NUP160: variants seen among roughly 807,000 people sequenced by gnomAD.
NUP160 encodes nuclear pore complex protein Nup160.
NUP160 carries 94 observed loss-of-function variants against 196.9 expected under a neutral mutation model. The observed-to-expected ratio is 0.48, with a 90% confidence interval of 0.40 to 0.57. The LOEUF (loss-of-function observed/expected upper bound fraction) is 0.57, where lower values mean the gene tolerates loss of function less well. NUP160 is among the 20% of genes least tolerant of loss of function. The pLI is 0.00. For missense variants in NUP160, 1,638 were observed against 1,748.3 expected, an observed-to-expected ratio of 0.94 and a Z score of 1.13; for synonymous variants, 605 against 619.7, an observed-to-expected ratio of 0.98 and a Z score of 0.35.
intron 31 of NUP160, 39 bp from the exon 32 acceptor site, chr11:47,786,593 T>C: frequency 1.6e-6 from 2 of 1,219,378 alleles, no homozygotes; most frequent in East Asian, 2.3e-5. Context: ...AACTGAACGC[T>C]GAAACGTACC....
chr11:47,791,522 G>T (rs1292716525), intron 29 of NUP160, among the ~76,000 whole-genome samples: 1 of 152,084 alleles, frequency 6.6e-6, no homozygotes, highest in African/African-American at 2.4e-5. Flanking sequence ...TGTATTTTTA[G>T]TAGAGATGGG....
chr11:47,824,914 C>G (rs565790856), intron 7 of NUP160, among the ~76,000 whole-genome samples: 65 of 151,960 alleles, frequency 4.3e-4, no homozygotes, highest in African/African-American at 1.5e-3. Flanking sequence ...CGGCTCACTG[C>G]GAGCTCCACC....
At chr11:47,779,028 G>T in exon 36 of NUP160, 1 of 1,017,416 alleles carries the variant, frequency 9.8e-7, no homozygotes, top group African/African-American at 1.6e-5. Context: ...AATCGGCCTT[G>T]AGTACAGGGT....
chr11:47,828,515 A>G (rs556128114), intron 7 of NUP160, among the ~76,000 whole-genome samples: 5 of 152,328 alleles, frequency 3.3e-5, no homozygotes, highest in African/African-American at 1.2e-4. Flanking sequence ...ATATTTTATA[A>G]TATCATCTAT....
intron 2 of NUP160, among the ~76,000 whole-genome samples, chr11:47,846,119 G>T (rs1433718127): frequency 6.7e-6 from 1 of 149,298 alleles, no homozygotes; most frequent in Non-Finnish European, 1.5e-5. Context: ...CTGGACAATG[G>T]AGCCAGACTG....
intron 23 of NUP160, among the ~76,000 whole-genome samples, chr11:47,800,452 C>T (rs1209139815): frequency 1.3e-5 from 2 of 150,884 alleles, no homozygotes; most frequent in Admixed American, 6.6e-5. Context: ...TGCAGTGGCA[C>T]GATCTCAGCT....
At chr11:47,848,132 A>T in intron 1 of NUP160, 87 bp downstream of exon 1, 1 of 1,481,156 alleles carries the variant, frequency 6.8e-7, no homozygotes. Flanking sequence ...ACTCAGGAGG[A>T]TGAAACAGGG....
At chr11:47,804,024 T>C (rs2097675972) in intron 21 of NUP160, among the ~76,000 whole-genome samples, 1 of 151,566 alleles carries the variant, frequency 6.6e-6, no homozygotes, top group Non-Finnish European at 1.5e-5. Flanking sequence ...CTACTAAAAA[T>C]ACAAAAATTA....
chr11:47,837,518 T>C, intron 5 of NUP160, 27 bp downstream of exon 5: 1 of 1,597,812 alleles, frequency 6.3e-7, no homozygotes, highest in Non-Finnish European at 8.6e-7. Context: ...CTTGGGCCCT[T>C]TGATTTACCT....
chr11:47,824,992 C>T (rs941416991), intron 7 of NUP160, among the ~76,000 whole-genome samples: 2 of 151,906 alleles, frequency 1.3e-5, no homozygotes, highest in East Asian at 3.9e-4. Flanking sequence ...CCTGCCACCA[C>T]GCCCAGCTAA....
chr11:47,817,938 A>T, intron 11 of NUP160, 118 bp downstream of exon 11: 1 of 564,808 alleles, frequency 1.8e-6, no homozygotes, highest in East Asian at 2.9e-5. Flanking sequence ...ACAAACACAC[A>T]TATGTATGAA....
chr11:47,786,701 A>C (rs1297354636), intron 31 of NUP160, 147 bp from the exon 32 acceptor site: 2 of 617,648 alleles, frequency 3.2e-6, no homozygotes. Context: ...CTCTTCCTCA[A>C]GTTACACAAC....
chr11:47,793,473 T>C (rs1012582116), intron 27 of NUP160, among the ~76,000 whole-genome samples: 1 of 152,030 alleles, frequency 6.6e-6, no homozygotes. Flanking sequence ...GCAGCTGCTA[T>C]GGAAAACAGT....
chr11:47,824,052 T>TATATATATAC (rs1391609379), intron 7 of NUP160, among the ~76,000 whole-genome samples: 9 of 93,784 alleles, frequency 9.6e-5, no homozygotes, highest in Non-Finnish European at 1.6e-4. Flanking sequence ...TATATATATA[T>TATATATATAC]ACACACACAC....
At chr11:47,844,916 C>A (rs993622359) in intron 2 of NUP160, among the ~76,000 whole-genome samples, 2 of 152,150 alleles carry the variant, frequency 1.3e-5, no homozygotes, top group Non-Finnish European at 2.9e-5. Context: ...CCCACCAAAA[C>A]CAAAATGGCG....
chr11:47,845,395 C>A (rs1035510982), intron 2 of NUP160, among the ~76,000 whole-genome samples: 1 of 152,204 alleles, frequency 6.6e-6, no homozygotes, highest in African/African-American at 2.4e-5. Flanking sequence ...CTGCCTCGGC[C>A]TCCTAAAGTA....
intron 20 of NUP160, 50 bp downstream of exon 20, chr11:47,806,103 C>G (rs749016164): frequency 6.3e-7 from 1 of 1,578,524 alleles, no homozygotes; most frequent in Admixed American, 1.7e-5. Context: ...TGTGAGCCAA[C>G]ATGCCCGGCC....
At chr11:47,814,563 T>C (rs1218717401) in intron 13 of NUP160, among the ~76,000 whole-genome samples, 2 of 150,758 alleles carry the variant, frequency 1.3e-5, no homozygotes, top group Non-Finnish European at 3.0e-5. Flanking sequence ...GATTGGATCC[T>C]GGATCAGGAA....
At chr11:47,788,912 T>G (rs570830003) in intron 29 of NUP160, among the ~76,000 whole-genome samples, 7 of 151,800 alleles carry the variant, frequency 4.6e-5, no homozygotes, top group Admixed American at 1.3e-4. Context: ...AATCTCAATC[T>G]GTCACCCAGG....
Sources: gnomAD v4.1 joint callset for allele counts (sites outside exome capture counted in the v4.1 genomes callset) on GRCh38, gnomAD v4.1.1 for gene constraint, MANE v1.5 for transcripts, NCBI Gene and HGNC (gene_info 2026-07-23, HGNC 2026-07-21) for gene names.